TEX9: variants seen among roughly 807,000 people sequenced by gnomAD.
TEX9 encodes testis expressed 9.
A neutral mutation model predicts 59.6 loss-of-function variants in TEX9; 74 were observed. The ratio of observed to expected loss-of-function variants is 1.24; its 90% confidence interval spans 1.03 to 1.51. The LOEUF is 1.51. Among genes scored for constraint, TEX9 ranks in the 40% most tolerant of loss-of-function variants. TEX9 has a pLI of 0.00. For synonymous variants in TEX9, 186 were observed against 152.2 expected, an observed-to-expected ratio of 1.22 and a Z score of -1.64; for missense variants, 522 against 447.8, an observed-to-expected ratio of 1.17 and a Z score of -1.49.
chr15:56,383,511 T>A (rs1205302804), intron 3 of TEX9, among the ~76,000 whole-genome samples: 2 of 152,208 alleles, frequency 1.3e-5, no homozygotes, highest in African/African-American at 4.8e-5. Context: ...TGCCAAAAGC[T>A]TTTACCCCTG....
At chr15:56,452,109 TC>T in the TEX9 span, among the ~76,000 whole-genome samples, 1 of 152,210 alleles carries the variant, frequency 6.6e-6, no homozygotes, top group Admixed American at 6.5e-5. Context: ...CTCTCTTCTC[TC>T]CTGTTTGCTT....
chr15:56,365,287 T>A (rs559720307), upstream of TEX9: 6 of 874,220 alleles, frequency 6.9e-6, no homozygotes, highest in Middle Eastern at 7.1e-4. Context: ...CAGCGCCGAG[T>A]GCTGCGAGCA....
downstream of TEX9, among the ~76,000 whole-genome samples, chr15:56,449,617 TTC>T (rs1206594910): frequency 6.6e-6 from 1 of 152,164 alleles, no homozygotes; most frequent in African/African-American, 2.4e-5. Flanking sequence ...CTTCCTCTTT[TTC>T]TGTTTTACAG....
At position 56,261,468 on chromosome 15, in the gene TEX9, A is replaced by G. The variant is rs980626861; in HGVS notation, c.-107+17190A>G. Among the ~76,000 whole-genome samples the G allele has an allele frequency of 4.6e-5, 7 of 152,076 alleles. No homozygotes were observed. The East Asian group carries it at 1.3e-3, about 29-fold the overall frequency. ...CGCAGTGGCTCATGCCTGTAATCCT[A>G]GCACTTTGAGAGGTCAAGGCAGGTG... On this transcript the variant is annotated intron_variant, in intron 1 of 5. Coordinates refer to the TEX9 transcript ENST00000560827.
chr15:56,261,603 G>A (rs1175444194), intron 1 of TEX9, among the ~76,000 whole-genome samples: 3 of 151,926 alleles, frequency 2.0e-5, no homozygotes, highest in Admixed American at 6.6e-5. Flanking sequence ...CTGTAGTCCC[G>A]CTATTCGGGA....
chr15:56,302,579 A>C (rs928058025), intron 1 of TEX9, among the ~76,000 whole-genome samples: 1 of 152,110 alleles, frequency 6.6e-6, no homozygotes, highest in Non-Finnish European at 1.5e-5. Context: ...AAAAGCAAGA[A>C]AGTAAAACAT....
At chr15:56,418,348 C>T (rs1324466575) in intron 10 of TEX9, among the ~76,000 whole-genome samples, 1 of 151,794 alleles carries the variant, frequency 6.6e-6, no homozygotes, top group Non-Finnish European at 1.5e-5. Context: ...ATGCTTCTTT[C>T]AAGAGCTTTG....
chr15:56,436,369 C>T (rs542070283), intron 12 of TEX9, among the ~76,000 whole-genome samples: 7 of 152,044 alleles, frequency 4.6e-5, no homozygotes, highest in Admixed American at 1.3e-4. Flanking sequence ...GGATGCATAA[C>T]GAAATGAAGG....
intron 10 of TEX9, among the ~76,000 whole-genome samples, chr15:56,424,223 A>G (rs755541148): frequency 1.3e-5 from 2 of 152,116 alleles, no homozygotes; most frequent in African/African-American, 2.4e-5. Context: ...TGTTTGGCCC[A>G]TATGTTCTTA....
chr15:56,254,217 C>T (rs2044092874), intron 1 of TEX9, among the ~76,000 whole-genome samples: 1 of 151,952 alleles, frequency 6.6e-6, no homozygotes, highest in Admixed American at 6.6e-5. Flanking sequence ...TGGGATCAGA[C>T]TTTAGAAAAA....
chr15:56,300,708 G>GAGGGAGA (rs2045331855), intron 1 of TEX9, among the ~76,000 whole-genome samples: 8 of 102,722 alleles, frequency 7.8e-5, no homozygotes, highest in East Asian at 7.3e-4. Context: ...AGAGAGAGAG[G>GAGGGAGA]GAGAGAGAGA....
At position 56,281,838 on chromosome 15, in the gene TEX9, G is replaced by A. The variant is rs565207565; in HGVS notation, c.-107+37560G>A. Among the ~76,000 whole-genome samples, 57 of 152,176 alleles carry A rather than the reference G, an allele frequency of 3.7e-4. 2 individuals carry two copies. In the South Asian group the frequency reaches 0.011, roughly 29 times the overall value. ...TCTACCCAAATACAGTGTCCATTCC[G>A]AAGATCCGCAGTTTGAGGCACTTGA... is the stretch of plus-strand genomic sequence containing the variant. On this transcript the variant is annotated intron_variant, in intron 1 of 5. Coordinates refer to the TEX9 transcript ENST00000560827.
At chr15:56,345,143 C>G (rs2046446814) in intron 1 of TEX9, among the ~76,000 whole-genome samples, 1 of 150,216 alleles carries the variant, frequency 6.7e-6, no homozygotes, top group Non-Finnish European at 1.5e-5. Flanking sequence ...TGATAATCTT[C>G]TAAATGCAGA....
intron 1 of TEX9, among the ~76,000 whole-genome samples, chr15:56,255,141 G>A (rs1168506779): frequency 6.6e-6 from 1 of 152,084 alleles, no homozygotes; most frequent in Non-Finnish European, 1.5e-5. Flanking sequence ...AATATTTTCA[G>A]TTTTGTGTTC....
chr15:56,433,298 A>G (rs1377435310), intron 12 of TEX9, among the ~76,000 whole-genome samples: 1 of 152,002 alleles, frequency 6.6e-6, no homozygotes, highest in East Asian at 1.9e-4. Flanking sequence ...ATTAGGACAA[A>G]TACCTAATGC....
At position 56,379,913 on chromosome 15, in the gene TEX9, T is replaced by G. The variant is rs536271534; in HGVS notation, c.184-4039T>G. On this transcript the variant is annotated intron_variant, in intron 3 of 12. Transcript: ENST00000352903. ...CTACCCTTTTTATTTTCAGTCTATATATATATCTTTATTAAGTAAAGTATG... is the reference window on the plus strand; with the variant it reads ...CTACCCTTTTTATTTTCAGTCTATAGATATATCTTTATTAAGTAAAGTATG... 4.5e-4 allele frequency among the ~76,000 whole-genome samples: 69 copies of G among 152,086 alleles called. 1 individual carries two copies. The highest frequency in any genetic ancestry group is 1.6e-3 in the African/African-American group (68 of 41,522).
intron 1 of TEX9, among the ~76,000 whole-genome samples, chr15:56,304,062 A>G (rs2045421583): frequency 6.6e-6 from 1 of 152,218 alleles, no homozygotes; most frequent in African/African-American, 2.4e-5. Flanking sequence ...GAATTCTAAC[A>G]AACACTTAAA....
intron 1 of TEX9, among the ~76,000 whole-genome samples, chr15:56,281,837 C>T (rs1030093170): frequency 7.2e-5 from 11 of 152,008 alleles, no homozygotes; most frequent in African/African-American, 2.2e-4. Flanking sequence ...GTGTCCATTC[C>T]GAAGATCCGC....
intron 7 of TEX9, 50 bp from the exon 8 acceptor site, chr15:56,394,115 T>G: frequency 6.6e-7 from 1 of 1,516,418 alleles, no homozygotes; most frequent in Non-Finnish European, 9.0e-7. Context: ...ACAATTGATG[T>G]CATCTTAGAT....
Sources: gnomAD v4.1 joint callset for allele counts (sites outside exome capture counted in the v4.1 genomes callset) on GRCh38, gnomAD v4.1.1 for gene constraint, MANE v1.5 for transcripts, NCBI Gene and HGNC (gene_info 2026-07-23, HGNC 2026-07-21) for gene names.